Variants in SHROOM2 observed in about 807,000 individuals in gnomAD.
The protein encoded by SHROOM2 is protein Shroom2.
Under a neutral mutation model 75.9 loss-of-function variants are expected in SHROOM2, and 33 were observed. The ratio of observed to expected loss-of-function variants is 0.43; its 90% CI spans 0.33 to 0.58. The LOEUF (loss-of-function observed/expected upper bound fraction) is 0.58. Ranked by LOEUF, SHROOM2 falls within the 20% of genes least tolerant of loss-of-function variation. The probability of loss-of-function intolerance (pLI) is 0.04; values close to 1 mark genes in which losing one functional copy is unlikely to be tolerated. For missense variants in SHROOM2, 1,434 were observed against 1,461.2 expected (o/e 0.98, Z 0.30); for synonymous variants, 655 against 663.6 (o/e 0.99, Z 0.20).
chrX:9,948,263 C>A lies in SHROOM2; in HGVS notation c.*1326C>A, dbSNP rs1046201794. 1 of 112,572 alleles carries A rather than the reference C, an allele frequency of 8.9e-6. No homozygotes were observed. Among genetic ancestry groups the A allele is most frequent in the African/African-American group, 3.2e-5 (1 of 31,020 alleles). The allele number at this position is 112,572 out of a possible 1,213,427, so 9.3% of individuals were successfully genotyped here. On this transcript the variant is annotated 3_prime_UTR_variant, in exon 10 of 10. Transcript: ENST00000380913. Reference sequence around the variant, plus strand: ...CGAAAAGACGTTCAGCCGCCGATGGCTTGGTTATAATTTATAACTTACTTA... The same window carrying A: ...CGAAAAGACGTTCAGCCGCCGATGGATTGGTTATAATTTATAACTTACTTA...
chrX:9,794,730 C>G (rs1410136746), intron 1 of SHROOM2, among the ~76,000 whole-genome samples: 1 of 112,154 alleles, frequency 8.9e-6, no homozygotes, highest in East Asian at 2.8e-4. Context: ...GCCCGTGACT[C>G]TGGCCCCAGC....
intron 1 of SHROOM2, among the ~76,000 whole-genome samples, chrX:9,817,297 T>C (rs188240621): frequency 0.011 from 1,140 of 100,467 alleles, 6 homozygotes; most frequent in Non-Finnish European, 0.017. Context: ...TTTTTTTTTT[T>C]CAGTATGTCT....
intron 1 of SHROOM2, among the ~76,000 whole-genome samples, chrX:9,863,685 A>C (rs1368387867): frequency 3.6e-5 from 4 of 109,699 alleles, no homozygotes; most frequent in Non-Finnish European, 7.6e-5. Context: ...GTAGCTCTTC[A>C]GAAGCGTGGG....
intron 1 of SHROOM2, among the ~76,000 whole-genome samples, chrX:9,845,461 T>A (rs2084001003): frequency 8.9e-6 from 1 of 112,226 alleles, no homozygotes. Context: ...AACAGCTCAC[T>A]TTTGAAATGG....
intron 1 of SHROOM2, among the ~76,000 whole-genome samples, chrX:9,795,603 GCT>G (rs1306004646): frequency 2.7e-5 from 3 of 111,330 alleles, no homozygotes; most frequent in Non-Finnish European, 5.6e-5. Context: ...AATGTCTAGT[GCT>G]CCTTGGCCGT....
intron 1 of SHROOM2, among the ~76,000 whole-genome samples, chrX:9,823,756 C>CTTTTTTTTTTT (rs1293537759): frequency 1.2e-5 from 1 of 85,915 alleles, no homozygotes; most frequent in Admixed American, 1.5e-4. Context: ...TTTCTTTTTT[C>CTTTTTTTTTTT]TTTTTTCTTT....
intron 5 of SHROOM2, among the ~76,000 whole-genome samples, chrX:9,929,143 A>C (rs972298338): frequency 8.9e-6 from 1 of 112,609 alleles, no homozygotes; most frequent in Non-Finnish European, 1.9e-5. Context: ...AAAAGTTGGA[A>C]TATGACCCCA....
chrX:9,899,776 CTG>C lies in SHROOM2; in HGVS notation c.2891+1489_2891+1490del, dbSNP rs780362326. 2.7e-5 allele frequency among the ~76,000 whole-genome samples: 3 copies of C among 112,497 alleles called. No individual in the cohort carries two copies. The South Asian group carries it at 1.1e-3, about 41-fold the overall frequency. ...GAGAAGCACAATTAGAGCTTTATGA[CTG>C]TGGATTCCAAGTAGGTCACGTGCCG... On this transcript the variant is annotated intron_variant, in intron 5 of 9. Transcript: ENST00000380913.
At position 9,800,283 on chromosome X, in the gene SHROOM2, A is replaced by G. The variant is rs1006778383; in HGVS notation, c.165+13573A>G. Among the ~76,000 whole-genome samples the G allele has an allele frequency of 2.7e-5, 3 of 111,501 alleles. No individual in the cohort carries two copies. In the Admixed American group the frequency reaches 2.9e-4, roughly 11 times the overall value. On this transcript the variant is annotated intron_variant, in intron 1 of 9. Transcript: ENST00000380913. ...TGCTCTTGCTGGAAAAGCCTCAGTA[A>G]TTCCTCATGGGACACCTTAGCTAGG...
At chrX:9,791,507 G>C (rs1286342240) in intron 1 of SHROOM2, among the ~76,000 whole-genome samples, 1 of 112,204 alleles carries the variant, frequency 8.9e-6, no homozygotes, top group African/African-American at 3.2e-5. Context: ...GAATGTAAAA[G>C]CTGAATGGAC....
chrX:9,900,500 G>A (rs746659211), intron 5 of SHROOM2, among the ~76,000 whole-genome samples: 19 of 112,120 alleles, frequency 1.7e-4, no homozygotes, highest in East Asian at 5.6e-4. Context: ...TAATCGATGC[G>A]TAGCAAAAAG....
Position 9,820,458 on chromosome X carries a change from G to A in SHROOM2, c.165+33748G>A, listed in dbSNP as rs143159099. ...TAGCTCACTGCAGTCTTGAATTCCC[G>A]GGCTTAAGCAATCCTCCCACCTCAG... is the stretch of plus-strand genomic sequence containing the variant. On this transcript the variant is annotated intron_variant, in intron 1 of 9. Transcript: ENST00000380913. Among the ~76,000 whole-genome samples the A allele has an allele frequency of 7.5e-3, 831 of 110,543 alleles. 6 individuals carry two copies. The highest frequency in any genetic ancestry group is 0.026 in the African/African-American group (799 of 30,378).
At position 9,932,620 on chromosome X, in the gene SHROOM2, C is replaced by G. The variant is rs1259759188; in HGVS notation, c.3337C>G (p.His1113Asp). 9 of 1,209,885 alleles carry G rather than the reference C, an allele frequency of 7.4e-6. No homozygotes were observed. Among genetic ancestry groups the G allele is most frequent in the Non-Finnish European group, 1.0e-5 (9 of 894,866 alleles). The change falls in exon 6 of 10, where the codon CAC becomes GAC. Residue 1113 changes from histidine to aspartate, a missense_variant. Transcript: ENST00000380913. Reference sequence around the variant, plus strand: ...GTATGTGGCCCGCCTGTCCCTCTCCCACAGCCCCTCTGTGTTCAGCAGTGC... The same window carrying G: ...GTATGTGGCCCGCCTGTCCCTCTCCGACAGCCCCTCTGTGTTCAGCAGTGC... Reference protein sequence around the residue: ...DVYVARLSLSHSPSVFSSAQP... With the variant: ...DVYVARLSLSDSPSVFSSAQP...
chrX:9,892,254 T>TA (rs747599801), intron 3 of SHROOM2, among the ~76,000 whole-genome samples: 975 of 78,870 alleles, frequency 0.012, 15 homozygotes, highest in African/African-American at 0.038. Flanking sequence ...CCTCGTCTCT[T>TA]AAAAAAAAAA....
At chrX:9,946,197 C>T (rs2147068781) in intron 9 of SHROOM2, among the ~76,000 whole-genome samples, 1 of 113,221 alleles carries the variant, frequency 8.8e-6, no homozygotes, top group Non-Finnish European at 1.9e-5. Flanking sequence ...GGGGGCTTCT[C>T]CTCCTCCTGC....
intron 1 of SHROOM2, among the ~76,000 whole-genome samples, chrX:9,788,281 GT>G (rs35341897): frequency 0.5 from 52,136 of 104,300 alleles, 10,966 homozygotes; most frequent in Non-Finnish European, 0.66. Flanking sequence ...TCTTCTAATC[GT>G]TTTTTTTTTT....
chrX:9,923,008 T>C (rs907293860), intron 5 of SHROOM2, among the ~76,000 whole-genome samples: 1 of 111,866 alleles, frequency 8.9e-6, no homozygotes, highest in African/African-American at 3.3e-5. Flanking sequence ...ATATTAATTT[T>C]TAAAACCCGC....
At chrX:9,924,428 T>A (rs1171972665) in intron 5 of SHROOM2, among the ~76,000 whole-genome samples, 1 of 111,933 alleles carries the variant, frequency 8.9e-6, no homozygotes, top group Non-Finnish European at 1.9e-5. Context: ...TGATCATCGC[T>A]CACTGCAGCC....
chrX:9,934,705 T>C (rs188403266), intron 6 of SHROOM2, among the ~76,000 whole-genome samples: 1 of 112,129 alleles, frequency 8.9e-6, no homozygotes, highest in East Asian at 2.8e-4. Context: ...ACCATTTCTG[T>C]TAAAAAATGA....
Sources: allele counts gnomAD v4.1 joint callset (sites outside exome capture counted in the v4.1 genomes callset), GRCh38; gene constraint gnomAD v4.1.1; transcripts MANE v1.5; gene names NCBI Gene and HGNC (gene_info 2026-07-23, HGNC 2026-07-21).